The following ATP6V0A2 variants were observed in gnomAD, a reference collection of about 807,000 sequenced individuals.
The protein encoded by ATP6V0A2 is ATPase H+ transporting V0 subunit a2.
Under a neutral mutation model 104.4 loss-of-function variants are expected in ATP6V0A2, and 58 were observed. The ratio of observed to expected loss-of-function variants is 0.56; its 90% CI spans 0.45 to 0.69. ATP6V0A2 has a LOEUF of 0.69. ATP6V0A2 is among the 30% of genes least tolerant of loss of function. The pLI is 0.00. For synonymous variants in ATP6V0A2, 376 were observed against 397.9 expected, an observed-to-expected ratio of 0.95 and a Z score of 0.65; for missense variants, 938 against 1,062.9, an observed-to-expected ratio of 0.88 and a Z score of 1.63.
chr12:123,738,346 A>G (rs1473917349), intron 9 of ATP6V0A2, among the ~76,000 whole-genome samples: 1 of 151,850 alleles, frequency 6.6e-6, no homozygotes, highest in Non-Finnish European at 1.5e-5. Flanking sequence ...GTGAGCCAAG[A>G]TGGCGCCATT....
intron 9 of ATP6V0A2, among the ~76,000 whole-genome samples, chr12:123,742,045 A>G (rs1020776802): frequency 6.6e-6 from 1 of 152,120 alleles, no homozygotes; most frequent in Admixed American, 6.5e-5. Flanking sequence ...TCTCACTCCC[A>G]GCAGTTTCTC....
chr12:123,728,964 G>A (rs933709579), intron 6 of ATP6V0A2, among the ~76,000 whole-genome samples: 3 of 152,220 alleles, frequency 2.0e-5, no homozygotes, highest in African/African-American at 7.2e-5. Context: ...CACTTGATTA[G>A]TTCCATTACT....
chr12:123,742,742 A>C (rs1301494244), intron 9 of ATP6V0A2, among the ~76,000 whole-genome samples: 1 of 152,038 alleles, frequency 6.6e-6, no homozygotes, highest in Non-Finnish European at 1.5e-5. Flanking sequence ...AGGCTGAGGC[A>C]CGAGAATCGC....
chr12:123,726,700 A>G (rs2135889745), intron 5 of ATP6V0A2, among the ~76,000 whole-genome samples: 1 of 152,232 alleles, frequency 6.6e-6, no homozygotes, highest in South Asian at 2.1e-4. Context: ...ACTAGTGGTA[A>G]TTTGTTTCCT....
At chr12:123,739,504 T>C (rs982699350) in intron 9 of ATP6V0A2, among the ~76,000 whole-genome samples, 9 of 152,184 alleles carry the variant, frequency 5.9e-5, no homozygotes, top group African/African-American at 2.2e-4. Context: ...AGATTGAATT[T>C]GATCAGGTAC....
chr12:123,727,048 G>T (rs961020682), intron 5 of ATP6V0A2, among the ~76,000 whole-genome samples: 22 of 152,116 alleles, frequency 1.4e-4, no homozygotes, highest in Admixed American at 1.2e-3. Flanking sequence ...CAGGCTCCAG[G>T]CTCCTTTGCA....
In ATP6V0A2 at chr12:123,760,385, G is replaced by A. The variant is rs74386589; in HGVS notation, c.*2353G>A. 6.6e-6 allele frequency: 1 copy of A among 152,128 alleles called. No homozygotes were observed. The highest frequency in any genetic ancestry group is 1.5e-5 in the Non-Finnish European group (1 of 68,024). 9.4% of individuals were successfully genotyped at this position (152,128 alleles called of 1,614,324 possible). A position where few individuals can be genotyped will look rare whatever the true frequency, so the allele number is the denominator to read the frequency against. On this transcript the variant is annotated 3_prime_UTR_variant, in exon 20 of 20. Transcript: ENST00000330342. ...AGTTTGATAATAGTGTCTTATAGGGGCCACGGGAATTTGTTTCTCTATAAA... is the reference window on the plus strand; with the variant it reads ...AGTTTGATAATAGTGTCTTATAGGGACCACGGGAATTTGTTTCTCTATAAA...
At chr12:123,727,969 T>C (rs1566278179) in intron 6 of ATP6V0A2, 60 bp downstream of exon 6, 2 of 1,609,884 alleles carry the variant, frequency 1.2e-6, no homozygotes, top group East Asian at 2.2e-5. Flanking sequence ...GTTGGAGATA[T>C]GGTAGAAAGA....
At chr12:123,719,806 C>T (rs546392464) in intron 2 of ATP6V0A2, among the ~76,000 whole-genome samples, 3 of 152,016 alleles carry the variant, frequency 2.0e-5, no homozygotes, top group African/African-American at 4.8e-5. Context: ...ATAAACCATC[C>T]GGACCACACA....
chr12:123,734,825 T>A (rs1279217815), intron 7 of ATP6V0A2, among the ~76,000 whole-genome samples: 1 of 152,224 alleles, frequency 6.6e-6, no homozygotes, highest in African/African-American at 2.4e-5. Context: ...GTCACCTGGA[T>A]AAACCTTTTA....
At chr12:123,732,625 C>G (rs1956512477) in intron 6 of ATP6V0A2, 1 of 106,246 alleles carries the variant, frequency 9.4e-6, no homozygotes, top group African/African-American at 3.2e-5. Flanking sequence ...GCGTCCTCAC[C>G]TCCTGCATTT....
intron 8 of ATP6V0A2, 26 bp downstream of exon 8, chr12:123,735,650 T>C (rs765758089): frequency 8.3e-6 from 13 of 1,568,068 alleles, no homozygotes; most frequent in Non-Finnish European, 1.1e-5. Flanking sequence ...GTGGATTGCC[T>C]CTTTATCTGA....
chr12:123,729,132 C>T (rs1956476299), intron 6 of ATP6V0A2, among the ~76,000 whole-genome samples: 1 of 151,980 alleles, frequency 6.6e-6, no homozygotes, highest in Non-Finnish European at 1.5e-5. Flanking sequence ...GTTCCTGTTC[C>T]TTTAATTATT....
In ATP6V0A2 at chr12:123,759,237, C is replaced by A. The variant is rs6488903; in HGVS notation, c.*1205C>A. The A allele has an allele frequency of 8.6e-5, 13 of 151,186 alleles. No homozygotes were observed. The highest frequency in any genetic ancestry group is 2.6e-4 in the Admixed American group (4 of 15,236). The allele number at this position is 151,186 out of a possible 1,614,324, so 9.4% of individuals were successfully genotyped here. On this transcript the variant is annotated 3_prime_UTR_variant, in exon 20 of 20. Coordinates refer to ENST00000330342, the MANE Select transcript of ATP6V0A2 (RefSeq NM_012463.4). ...AAGAGATTGCACTTATCCTTGAGAACAGTCTAAATATAAATGAAGATATTT... is the reference window on the plus strand; with the variant it reads ...AAGAGATTGCACTTATCCTTGAGAAAAGTCTAAATATAAATGAAGATATTT...
At chr12:123,724,878 A>G in intron 4 of ATP6V0A2, 87 bp downstream of exon 4, 3 of 1,049,508 alleles carry the variant, frequency 2.9e-6, no homozygotes, top group South Asian at 2.6e-5. Context: ...GTATTTTGCT[A>G]TTAGTTCATA....
chr12:123,738,553 C>G (rs1772688059), intron 9 of ATP6V0A2, among the ~76,000 whole-genome samples: 1 of 152,002 alleles, frequency 6.6e-6, no homozygotes, highest in Non-Finnish European at 1.5e-5. Context: ...GTTTGTCCCT[C>G]GTCTTTTGAC....
chr12:123,749,168 A>G (rs1285529259), intron 15 of ATP6V0A2, among the ~76,000 whole-genome samples: 2 of 152,208 alleles, frequency 1.3e-5, no homozygotes, highest in South Asian at 2.1e-4. Flanking sequence ...CTGCACCTGT[A>G]GTCCGAGCTA....
intron 6 of ATP6V0A2, among the ~76,000 whole-genome samples, 168 bp downstream of exon 6, chr12:123,728,077 T>G (rs747988324): frequency 6.6e-6 from 1 of 152,240 alleles, no homozygotes; most frequent in Non-Finnish European, 1.5e-5. Context: ...TCAGGGACAT[T>G]GTCTTATATT....
In ATP6V0A2 at chr12:123,716,212, G is replaced by A. The variant is rs562326731; in HGVS notation, c.118-2411G>A. Among the ~76,000 whole-genome samples, 163 of 151,884 alleles carry A rather than the reference G, an allele frequency of 1.1e-3. 4 individuals are homozygous for A. Among genetic ancestry groups the A allele is most frequent in the South Asian group, 2.1e-4 (1 of 4,814 alleles). ...CTCCTGAGCAGCTGAGATCACAGGCGCGCGCCACCACGCCTGGCTAATTTT... is the reference window on the plus strand; with the variant it reads ...CTCCTGAGCAGCTGAGATCACAGGCACGCGCCACCACGCCTGGCTAATTTT... On this transcript the variant is annotated intron_variant, in intron 1 of 19. Transcript: ENST00000330342.
Sources: gnomAD v4.1 joint callset for allele counts (sites outside exome capture counted in the v4.1 genomes callset) on GRCh38, gnomAD v4.1.1 for gene constraint, MANE v1.5 for transcripts, NCBI Gene and HGNC (gene_info 2026-07-23, HGNC 2026-07-21) for gene names.